The following CSMD1 variants were observed in gnomAD, a reference collection of about 807,000 sequenced individuals.
CSMD1 encodes the protein CUB and sushi domain-containing protein 1.
A neutral mutation model predicts 417.5 loss-of-function variants in CSMD1; 213 were observed. That is an observed-to-expected ratio of 0.51 (90% confidence interval 0.46 to 0.57). CSMD1 has a LOEUF of 0.57. Ranked by LOEUF, CSMD1 falls within the 20% of genes least tolerant of loss-of-function variation. The probability of loss-of-function intolerance (pLI) is 0.00; values close to 1 mark genes in which losing one functional copy is unlikely to be tolerated. For synonymous variants in CSMD1, 2,862 were observed against 1,736.8 expected, an observed-to-expected ratio of 1.65 and a Z score of -16.11; for missense variants, 6,923 against 4,529.7, an observed-to-expected ratio of 1.53 and a Z score of -15.17.
chr8:3,534,080 T>A (rs147206835), intron 10 of CSMD1, among the ~76,000 whole-genome samples: 40 of 152,292 alleles, frequency 2.6e-4, no homozygotes, highest in African/African-American at 7.9e-4. Flanking sequence ...TTTGAAATGA[T>A]TGTTTTAGTA....
intron 5 of CSMD1, among the ~76,000 whole-genome samples, 165 bp downstream of exon 5, chr8:3,997,738 C>A (rs1372167342): frequency 1.3e-5 from 2 of 152,114 alleles, no homozygotes; most frequent in Non-Finnish European, 2.9e-5. Flanking sequence ...TTTGAAATTA[C>A]TCACAGTAAA....
intron 2 of CSMD1, among the ~76,000 whole-genome samples, chr8:4,529,263 G>A (rs1190379429): frequency 6.6e-6 from 1 of 152,116 alleles, no homozygotes; most frequent in Non-Finnish European, 1.5e-5. Context: ...AGTGGACAAT[G>A]TGGTTTTCCA....
At chr8:4,672,527 A>G (rs1387122290) in intron 1 of CSMD1, among the ~76,000 whole-genome samples, 1 of 152,222 alleles carries the variant, frequency 6.6e-6, no homozygotes, top group Non-Finnish European at 1.5e-5. Flanking sequence ...CTTTGGTGAA[A>G]TATGCACCTA....
intron 3 of CSMD1, among the ~76,000 whole-genome samples, chr8:4,394,081 C>T (rs748358692): frequency 3.3e-5 from 5 of 152,124 alleles, no homozygotes; most frequent in Non-Finnish European, 7.4e-5. Flanking sequence ...AAACAAACTC[C>T]TCAATCCTCT....
chr8:3,552,142 C>A (rs977604558), intron 10 of CSMD1, among the ~76,000 whole-genome samples: 4 of 152,104 alleles, frequency 2.6e-5, no homozygotes, highest in African/African-American at 7.2e-5. Context: ...TGAATTCATC[C>A]CATCTTCTAA....
At chr8:4,386,219 C>T (rs1803444338) in intron 3 of CSMD1, among the ~76,000 whole-genome samples, 2 of 152,102 alleles carry the variant, frequency 1.3e-5, no homozygotes, top group South Asian at 4.1e-4. Context: ...TTATGACTTC[C>T]ATCCAACTCA....
intron 3 of CSMD1, among the ~76,000 whole-genome samples, chr8:4,134,889 T>C (rs1004133399): frequency 1.2e-4 from 18 of 152,320 alleles, no homozygotes; most frequent in African/African-American, 4.3e-4. Context: ...CACAAATTGC[T>C]CGGAAGGCTT....
At chr8:3,595,262 TG>T (rs1167113567) in intron 8 of CSMD1, among the ~76,000 whole-genome samples, 1 of 152,204 alleles carries the variant, frequency 6.6e-6, no homozygotes, top group Non-Finnish European at 1.5e-5. Context: ...AGGGAAACAA[TG>T]TCCCATTGTG....
At chr8:4,337,599 T>C (rs2128893752) in intron 3 of CSMD1, among the ~76,000 whole-genome samples, 1 of 152,274 alleles carries the variant, frequency 6.6e-6, no homozygotes, top group African/African-American at 2.4e-5. Flanking sequence ...CAAAATTCTG[T>C]GGACAGTAAA....
chr8:4,871,407 C>A (rs533017740), intron 1 of CSMD1, among the ~76,000 whole-genome samples: 1 of 152,060 alleles, frequency 6.6e-6, no homozygotes, highest in Non-Finnish European at 1.5e-5. Flanking sequence ...ATACATTTAT[C>A]TAACACCATG....
At chr8:4,331,100 A>T (rs1204057268) in intron 3 of CSMD1, among the ~76,000 whole-genome samples, 1 of 152,216 alleles carries the variant, frequency 6.6e-6, no homozygotes, top group African/African-American at 2.4e-5. Flanking sequence ...ACTACATATA[A>T]TAGCAAAATG....
At chr8:3,220,906 C>T (rs1276018932) in intron 28 of CSMD1, among the ~76,000 whole-genome samples, 1 of 152,192 alleles carries the variant, frequency 6.6e-6, no homozygotes, top group Non-Finnish European at 1.5e-5. Context: ...CTCTTCTTCT[C>T]TATAGCAGGT....
intron 2 of CSMD1, among the ~76,000 whole-genome samples, chr8:4,548,637 A>G (rs1013942095): frequency 6.6e-6 from 1 of 152,158 alleles, no homozygotes; most frequent in Admixed American, 6.5e-5. Context: ...TCCCCACAGA[A>G]TGATTTCAAA....
intron 5 of CSMD1, among the ~76,000 whole-genome samples, chr8:3,815,734 A>G (rs1473201834): frequency 6.6e-6 from 1 of 151,622 alleles, no homozygotes; most frequent in Non-Finnish European, 1.5e-5. Context: ...GGAGATTCTC[A>G]TGTACATAAC....
At chr8:3,940,590 C>T (rs1383635989) in intron 5 of CSMD1, among the ~76,000 whole-genome samples, 1 of 148,566 alleles carries the variant, frequency 6.7e-6, no homozygotes, top group Non-Finnish European at 1.5e-5. Flanking sequence ...AGAACAACAA[C>T]AAAAAAGAAC....
intron 1 of CSMD1, among the ~76,000 whole-genome samples, chr8:4,930,727 T>C (rs759235016): frequency 6.6e-6 from 1 of 152,326 alleles, no homozygotes; most frequent in East Asian, 1.9e-4. Context: ...TAATTGTTAC[T>C]TTTAGATACA....
intron 2 of CSMD1, among the ~76,000 whole-genome samples, chr8:4,432,866 G>T (rs1011555636): frequency 6.6e-5 from 10 of 152,138 alleles, no homozygotes; most frequent in African/African-American, 2.4e-4. Flanking sequence ...CTCCAACCGC[G>T]AGCCACGAAT....
intron 5 of CSMD1, among the ~76,000 whole-genome samples, chr8:3,871,785 G>T (rs933539548): frequency 6.6e-6 from 1 of 152,212 alleles, no homozygotes; most frequent in Non-Finnish European, 1.5e-5. Context: ...AAGATTAAAT[G>T]TAAGAGTTGT....
chr8:3,477,220 G>C (rs1465195484), intron 11 of CSMD1, among the ~76,000 whole-genome samples: 2 of 152,164 alleles, frequency 1.3e-5, no homozygotes, highest in Non-Finnish European at 2.9e-5. Context: ...GAGATGCCTG[G>C]ATTTTATGGG....
Sources: gnomAD v4.1 joint callset for allele counts (sites outside exome capture counted in the v4.1 genomes callset) on GRCh38, gnomAD v4.1.1 for gene constraint, MANE v1.5 for transcripts, NCBI Gene and HGNC (gene_info 2026-07-23, HGNC 2026-07-21) for gene names.